Variants in PITPNC1 observed in about 807,000 individuals in gnomAD.
PITPNC1 encodes cytoplasmic phosphatidylinositol transfer protein 1.
In PITPNC1, 18 loss-of-function variants were observed where a neutral mutation model predicts 44.7. The ratio of observed to expected loss-of-function variants is 0.40; its 90% CI spans 0.28 to 0.60. PITPNC1 has a LOEUF of 0.60. PITPNC1 is among the 20% of genes least tolerant of loss of function. The pLI, the probability that PITPNC1 is intolerant of heterozygous loss-of-function variation, is 0.39. For missense variants in PITPNC1, 290 were observed against 418.4 expected, an observed-to-expected ratio of 0.69 and a Z score of 2.68; for synonymous variants, 141 against 149.6, an observed-to-expected ratio of 0.94 and a Z score of 0.42.
intron 1 of PITPNC1, among the ~76,000 whole-genome samples, chr17:67,480,214 C>T (rs8072057): frequency 0.31 from 47,451 of 151,870 alleles, 7,870 homozygotes; most frequent in Non-Finnish European, 0.38. Context: ...GGTTGTCTAA[C>T]GATGAAACAT....
chr17:67,598,752 G>A (rs2041492656), intron 5 of PITPNC1, among the ~76,000 whole-genome samples: 1 of 151,698 alleles, frequency 6.6e-6, no homozygotes, highest in African/African-American at 2.4e-5. Context: ...AATTAGCTGG[G>A]CATGGTGGTG....
intron 8 of PITPNC1, among the ~76,000 whole-genome samples, chr17:67,681,605 T>A (rs1598986803): frequency 2.7e-5 from 1 of 37,348 alleles, no homozygotes; most frequent in Non-Finnish European, 5.0e-5. Context: ...CAAAACCCTA[T>A]CTCAAAAAAA....
intron 2 of PITPNC1, among the ~76,000 whole-genome samples, chr17:67,542,994 G>A (rs1268550082): frequency 6.6e-6 from 1 of 152,212 alleles, no homozygotes; most frequent in Non-Finnish European, 1.5e-5. Context: ...TATGTTGTCT[G>A]TGGGGGATGA....
At chr17:67,452,436 G>A (rs565265574) in intron 1 of PITPNC1, among the ~76,000 whole-genome samples, 2 of 151,884 alleles carry the variant, frequency 1.3e-5, no homozygotes, top group South Asian at 4.2e-4. Flanking sequence ...TTGCTGCTGT[G>A]ATCATTTGTA....
intron 4 of PITPNC1, among the ~76,000 whole-genome samples, chr17:67,571,441 AAAGAG>A (rs1465952287): frequency 1.3e-5 from 2 of 152,210 alleles, no homozygotes; most frequent in Non-Finnish European, 2.9e-5. Flanking sequence ...AAAGAAAAGA[AAAGAG>A]AAGAGAAGAA....
intron 1 of PITPNC1, among the ~76,000 whole-genome samples, chr17:67,448,566 C>T (rs2143942145): frequency 6.6e-6 from 1 of 152,300 alleles, no homozygotes; most frequent in South Asian, 2.1e-4. Context: ...TGATTAATCT[C>T]ACCTCCGTTT....
At chr17:67,538,786 A>G (rs1192136524) in intron 2 of PITPNC1, among the ~76,000 whole-genome samples, 2 of 152,078 alleles carry the variant, frequency 1.3e-5, no homozygotes, top group Non-Finnish European at 2.9e-5. Flanking sequence ...TGCATAGCAA[A>G]AGACACACAC....
intron 8 of PITPNC1, among the ~76,000 whole-genome samples, chr17:67,687,391 C>T (rs1357521885): frequency 6.6e-6 from 1 of 152,066 alleles, no homozygotes; most frequent in African/African-American, 2.4e-5. Context: ...AGTTGCTTGA[C>T]GTGGAGGTTA....
At chr17:67,637,126 C>T (rs1179534557) in intron 6 of PITPNC1, among the ~76,000 whole-genome samples, 1 of 152,246 alleles carries the variant, frequency 6.6e-6, no homozygotes, top group Non-Finnish European at 1.5e-5. Context: ...GCCGCTGCCA[C>T]AGCACCAGTG....
chr17:67,441,625 A>C (rs548625648), intron 1 of PITPNC1, among the ~76,000 whole-genome samples: 14 of 152,286 alleles, frequency 9.2e-5, no homozygotes, highest in African/African-American at 3.4e-4. Context: ...AGCTGTAAAG[A>C]CCATAAAGCC....
chr17:67,401,339 A>G (rs953444874), intron 1 of PITPNC1, among the ~76,000 whole-genome samples: 6 of 152,144 alleles, frequency 3.9e-5, no homozygotes, highest in South Asian at 2.1e-4. Context: ...TTGGATGGCA[A>G]TCATCTTGCC....
chr17:67,473,199 A>G (rs1435270063), intron 1 of PITPNC1, among the ~76,000 whole-genome samples: 2 of 150,860 alleles, frequency 1.3e-5, no homozygotes, highest in African/African-American at 4.9e-5. Context: ...TTATTATTTT[A>G]AAAGTTATTC....
chr17:67,648,853 G>A (rs532069955), intron 6 of PITPNC1, among the ~76,000 whole-genome samples: 57 of 152,188 alleles, frequency 3.7e-4, no homozygotes, highest in African/African-American at 1.3e-3. Flanking sequence ...AGTAGCTGGG[G>A]CATCTGCAAA....
In PITPNC1 at chr17:67,692,572, A is replaced by G. The variant is rs2042949394; in HGVS notation, c.683A>G (p.Asp228Gly). The G allele has an allele frequency of 6.2e-7, 1 of 1,608,632 alleles. No individual in the cohort carries two copies. The change falls in exon 9 of 9, where the codon GAC (aspartate) becomes GGC (glycine). Residue 228 changes from aspartate to glycine, a missense_variant and splice_region_variant. Asp to Gly is a moderately conservative substitution (Grantham distance 94). Coordinates refer to ENST00000581322, the MANE Select transcript of PITPNC1 (RefSeq NM_012417.4). The stretch of plus-strand genomic sequence containing the variant: ...TTTCTTTCTGTTTTTCTCCTTGAAG[A>G]CATGACAATGGATGAAGTCCGAGAA... Reference protein sequence around the residue: ...QAFAWVDEWYDMTMDEVREFE... With the variant: ...QAFAWVDEWYGMTMDEVREFE...
intron 8 of PITPNC1, among the ~76,000 whole-genome samples, chr17:67,677,918 G>GA (rs60339826): frequency 0.015 from 2,126 of 142,158 alleles, 49 homozygotes; most frequent in African/African-American, 0.049. Context: ...AAAATTGAAA[G>GA]AAAAAAAAAA....
intron 8 of PITPNC1, among the ~76,000 whole-genome samples, chr17:67,688,168 G>C (rs1449587730): frequency 6.6e-6 from 1 of 151,050 alleles, no homozygotes; most frequent in Non-Finnish European, 1.5e-5. Context: ...GAGAAACCTC[G>C]TCTCTACTTA....
At chr17:67,678,527 T>C (rs2642057) in intron 8 of PITPNC1, among the ~76,000 whole-genome samples, 4,770 of 152,270 alleles carry the variant, frequency 0.031, 241 homozygotes, top group African/African-American at 0.11. Context: ...GCCTTTTCAC[T>C]CAGCAGTGGT....
At chr17:67,436,020 G>C (rs1427212970) in intron 1 of PITPNC1, among the ~76,000 whole-genome samples, 1 of 151,978 alleles carries the variant, frequency 6.6e-6, no homozygotes, top group Non-Finnish European at 1.5e-5. Context: ...ATACAATCTT[G>C]CTGCTCTGTT....
chr17:67,599,579 G>A (rs2041514682), intron 5 of PITPNC1, among the ~76,000 whole-genome samples: 1 of 152,108 alleles, frequency 6.6e-6, no homozygotes, highest in South Asian at 2.1e-4. Context: ...AGGAAAGTGA[G>A]AACACCAAGG....
Sources: allele counts gnomAD v4.1 joint callset (sites outside exome capture counted in the v4.1 genomes callset), GRCh38; gene constraint gnomAD v4.1.1; transcripts MANE v1.5; gene names NCBI Gene and HGNC (gene_info 2026-07-23, HGNC 2026-07-21).